The following NAA60 variants were observed in gnomAD, a reference collection of about 807,000 sequenced individuals.
NAA60 encodes the protein N-alpha-acetyltransferase 60.
NAA60 carries 8 observed loss-of-function variants against 26.1 expected under a neutral mutation model. That is an observed-to-expected ratio of 0.31 (90% confidence interval 0.18 to 0.55). The LOEUF is 0.55. Among genes scored for constraint, NAA60 ranks in the 20% least tolerant of loss-of-function variants. The pLI, the probability that NAA60 is intolerant of heterozygous loss-of-function variation, is 0.93. For missense variants in NAA60, 290 were observed against 311.3 expected (o/e 0.93, Z 0.51); for synonymous variants, 131 against 122.5 (o/e 1.07, Z -0.46).
intron 2 of NAA60, among the ~76,000 whole-genome samples, chr16:3,456,375 G>T (rs923199709): frequency 1.3e-5 from 2 of 152,132 alleles, no homozygotes; most frequent in Non-Finnish European, 2.9e-5. Context: ...TGATTGATTG[G>T]GCTCCCCACG....
chr16:3,450,043 AAGAAG>A (rs2034715513), intron 2 of NAA60: 1 of 107,400 alleles, frequency 9.3e-6, no homozygotes, highest in East Asian at 7.6e-5. Flanking sequence ...AAAAAGAGAA[AAGAAG>A]AAGAAGGAAC....
At chr16:3,476,751 A>G (rs181594428) in intron 3 of NAA60, among the ~76,000 whole-genome samples, 1 of 152,326 alleles carries the variant, frequency 6.6e-6, no homozygotes. Flanking sequence ...TTTTTGATAG[A>G]GAAATCTTTT....
chr16:3,485,069 A>C lies in NAA60; in HGVS notation c.*206+8A>C. Reference sequence around the variant, plus strand: ...CATGCCCATCCGTGGCAGGTACGCCACAGCAGACACAAAGGTATGGGAGCT... The same window carrying C: ...CATGCCCATCCGTGGCAGGTACGCCCCAGCAGACACAAAGGTATGGGAGCT... On this transcript the variant is annotated splice_region_variant and intron_variant, in intron 7 of 7. Coordinates refer to ENST00000407558, the MANE Select transcript of NAA60 (RefSeq NM_001083601.3). 7.0e-7 allele frequency: 1 copy of C among 1,423,488 alleles called. No individual in the cohort carries two copies. The highest frequency in any genetic ancestry group is 9.6e-7 in the Non-Finnish European group (1 of 1,046,256). The allele number at this position is 1,423,488 out of a possible 1,614,324, so 88.2% of individuals were successfully genotyped here.
intron 2 of NAA60, among the ~76,000 whole-genome samples, chr16:3,459,845 G>A (rs1350405409): frequency 6.6e-6 from 1 of 152,134 alleles, no homozygotes; most frequent in African/African-American, 2.4e-5. Flanking sequence ...TGACCAGGCC[G>A]GGACAGTATG....
At chr16:3,482,899 C>A in intron 5 of NAA60, 1 of 525,960 alleles carries the variant, frequency 1.9e-6, no homozygotes, top group Non-Finnish European at 3.5e-6. Context: ...CTGCTGCCGC[C>A]ACACGCACAA....
At chr16:3,446,543 AAAAG>A (rs2034563074) in intron 1 of NAA60, among the ~76,000 whole-genome samples, 1 of 151,054 alleles carries the variant, frequency 6.6e-6, no homozygotes, top group South Asian at 2.1e-4. Flanking sequence ...AAAAAAAAAA[AAAAG>A]AAAATACAGG....
At chr16:3,476,047 C>T (rs1298311105) in intron 2 of NAA60, 175 bp from the exon 3 acceptor site, 8 of 576,634 alleles carry the variant, frequency 1.4e-5, no homozygotes, top group East Asian at 3.0e-5. Context: ...GCGATGGGGG[C>T]GACTGCAGCG....
intron 2 of NAA60, among the ~76,000 whole-genome samples, chr16:3,466,118 G>A (rs563364186): frequency 2.0e-5 from 3 of 152,228 alleles, no homozygotes; most frequent in Admixed American, 1.3e-4. Flanking sequence ...TCGCCATCGC[G>A]CTTCTCAGCT....
At chr16:3,467,483 T>C (rs993871791) in intron 2 of NAA60, among the ~76,000 whole-genome samples, 4 of 152,090 alleles carry the variant, frequency 2.6e-5, no homozygotes, top group South Asian at 4.1e-4. Context: ...CTTGAAGCAG[T>C]GCCTTCGAAG....
chr16:3,467,137 C>A (rs1567379628), intron 2 of NAA60, among the ~76,000 whole-genome samples: 2 of 152,054 alleles, frequency 1.3e-5, no homozygotes, highest in South Asian at 2.1e-4. Context: ...TGGGGGGCGG[C>A]CTTTAGAAGC....
intron 3 of NAA60, 138 bp downstream of exon 3, chr16:3,476,475 C>G: frequency 1.5e-6 from 1 of 661,598 alleles, no homozygotes; most frequent in Non-Finnish European, 2.6e-6. Flanking sequence ...CACAGGGGTC[C>G]CAGGTTACCC....
chr16:3,456,012 A>T (rs1243077840), intron 2 of NAA60, among the ~76,000 whole-genome samples: 1 of 151,934 alleles, frequency 6.6e-6, no homozygotes. Context: ...GCCCAAAAAA[A>T]GAGTAAAGTT....
intron 1 of NAA60, among the ~76,000 whole-genome samples, chr16:3,445,076 G>A (rs1007151682): frequency 2.0e-5 from 3 of 152,188 alleles, no homozygotes; most frequent in African/African-American, 7.2e-5. Context: ...AGGTAGCTGT[G>A]AAGTCCCAGT....
chr16:3,482,407 G>A (rs891062875), intron 4 of NAA60, 95 bp from the exon 5 acceptor site: 27 of 992,912 alleles, frequency 2.7e-5, no homozygotes, highest in Middle Eastern at 2.1e-4. Flanking sequence ...TCTGGCTGTC[G>A]TGGGAAGTCG....
chr16:3,469,675 G>T (rs2036002208), intron 2 of NAA60, among the ~76,000 whole-genome samples: 1 of 152,130 alleles, frequency 6.6e-6, no homozygotes, highest in African/African-American at 2.4e-5. Context: ...TGCCTGGCGG[G>T]GCCTGTCTCT....
intron 2 of NAA60, chr16:3,457,887 C>A: frequency 2.5e-6 from 2 of 791,846 alleles, no homozygotes; most frequent in Non-Finnish European, 3.1e-6. Flanking sequence ...GGATCCTGGG[C>A]CTGGCTTCGC....
At chr16:3,483,118 C>G (rs17183561) in intron 5 of NAA60, among the ~76,000 whole-genome samples, 32 of 152,202 alleles carry the variant, frequency 2.1e-4, no homozygotes, top group African/African-American at 7.5e-4. Flanking sequence ...AGTCTCCATG[C>G]GGGCCCAGCC....
At chr16:3,456,054 G>A (rs1243535221) in intron 2 of NAA60, among the ~76,000 whole-genome samples, 1 of 152,110 alleles carries the variant, frequency 6.6e-6, no homozygotes, top group Non-Finnish European at 1.5e-5. Flanking sequence ...CTGTTTGCCA[G>A]TTCATCTTAA....
chr16:3,479,603 A>G lies in NAA60; in HGVS notation c.240+3A>G. ...ACAGGACCAAAATACATAAAGAGGTACGTACGTGTGTGCAGTGAGGACTTG... is the reference window on the plus strand; with the variant it reads ...ACAGGACCAAAATACATAAAGAGGTGCGTACGTGTGTGCAGTGAGGACTTG... On this transcript the variant is annotated splice_donor_region_variant and intron_variant, in intron 4 of 7. Coordinates refer to ENST00000407558, the MANE Select transcript of NAA60 (RefSeq NM_001083601.3). The G allele has an allele frequency of 1.9e-6, 3 of 1,613,848 alleles. No homozygotes were observed. Among genetic ancestry groups the G allele is most frequent in the South Asian group, 1.1e-5 (1 of 91,058 alleles).
Sources: allele counts gnomAD v4.1 joint callset (sites outside exome capture counted in the v4.1 genomes callset), GRCh38; gene constraint gnomAD v4.1.1; transcripts MANE v1.5; gene names NCBI Gene and HGNC (gene_info 2026-07-23, HGNC 2026-07-21).